Variants in NCAPD3 observed in about 807,000 individuals in gnomAD.
NCAPD3 encodes condensin-2 complex subunit D3.
A neutral mutation model predicts 182.9 loss-of-function variants in NCAPD3; 105 were observed. The ratio of observed to expected loss-of-function variants is 0.57; its 90% CI spans 0.49 to 0.68. The LOEUF (loss-of-function observed/expected upper bound fraction) is 0.68, where lower values mean the gene tolerates loss of function less well. NCAPD3 is among the 30% of genes least tolerant of loss of function. NCAPD3 has a pLI of 0.00. For missense variants in NCAPD3, 1,944 were observed against 1,837.0 expected (o/e 1.06, Z -1.07); for synonymous variants, 815 against 679.9 (o/e 1.20, Z -3.09).
At chr11:134,165,106 T>C (rs909428329) in intron 27 of NCAPD3, among the ~76,000 whole-genome samples, 8 of 149,004 alleles carry the variant, frequency 5.4e-5, no homozygotes, top group Admixed American at 1.3e-4. Flanking sequence ...TTGCGGGAGC[T>C]GCACACTCAC....
intron 16 of NCAPD3, among the ~76,000 whole-genome samples, chr11:134,192,256 T>G (rs1171462288): frequency 6.6e-6 from 1 of 152,232 alleles, no homozygotes; most frequent in East Asian, 1.9e-4. Flanking sequence ...GTACAGTGTA[T>G]GTTCAATAAG....
In NCAPD3 at chr11:134,172,103, T is replaced by G. The variant is rs1397264582; in HGVS notation, c.3102-3049A>C. 2.0e-5 allele frequency among the ~76,000 whole-genome samples: 3 copies of G among 152,092 alleles called. No homozygotes were observed. In the East Asian group the frequency reaches 5.8e-4, roughly 29 times the overall value. ...ACAGCTGGAAGTGGGTCCAGTGAAGTGCGGAGAGTGTGGGCTGGCTGCTGT... is the reference window on the plus strand; with the variant it reads ...ACAGCTGGAAGTGGGTCCAGTGAAGGGCGGAGAGTGTGGGCTGGCTGCTGT... On this transcript the variant is annotated intron_variant, in intron 24 of 34. Coordinates refer to ENST00000534548, the MANE Select transcript of NCAPD3 (RefSeq NM_015261.3).
rs542382078 is a variant in NCAPD3 at position 134,196,875 on chromosome 11, C to G, written c.1616-2137G>C. Among the ~76,000 whole-genome samples, 19 of 152,202 alleles carry G rather than the reference C, an allele frequency of 1.2e-4. No homozygotes were observed. The South Asian group carries it at 3.7e-3, about 30-fold the overall frequency. ...TCTTAGGTGAGTACTACCCTGATAG[C>G]AAAACCAAAACATCTCAAGAAAACA... On this transcript the variant is annotated intron_variant, in intron 13 of 34. Transcript: ENST00000534548.
chr11:134,168,649 T>TGCA (rs760317924), intron 25 of NCAPD3, 47 bp from the exon 26 acceptor site: 1 of 1,610,278 alleles, frequency 6.2e-7, no homozygotes, highest in South Asian at 1.1e-5. Flanking sequence ...GGCACGGGTG[T>TGCA]AAGGGATTTA....
chr11:134,186,361 C>T (rs74843747), intron 16 of NCAPD3, among the ~76,000 whole-genome samples: 11,191 of 151,978 alleles, frequency 0.074, 476 homozygotes, highest in African/African-American at 0.11. Flanking sequence ...CCATACCTGG[C>T]TAATTTCTCT....
intron 3 of NCAPD3, among the ~76,000 whole-genome samples, chr11:134,211,704 A>G (rs1410358133): frequency 1.3e-5 from 2 of 152,180 alleles, no homozygotes; most frequent in Non-Finnish European, 2.9e-5. Context: ...TGAAAAAAAA[A>G]AATTTTAAAG....
intron 29 of NCAPD3, among the ~76,000 whole-genome samples, chr11:134,159,491 C>T (rs535664139): frequency 1.3e-5 from 2 of 152,336 alleles, no homozygotes; most frequent in South Asian, 4.1e-4. Context: ...ACTTTGTGCT[C>T]ATTGGTCTTT....
intron 13 of NCAPD3, among the ~76,000 whole-genome samples, chr11:134,195,803 T>C (rs1193922226): frequency 6.6e-6 from 1 of 152,202 alleles, no homozygotes; most frequent in Non-Finnish European, 1.5e-5. Context: ...ATCTGGCTTA[T>C]ATTAAACAGG....
chr11:134,152,926 A>C lies in NCAPD3; in HGVS notation c.*18T>G. ...CTCAAGGGCTCCTGCCTGCCTGGAC[A>C]CTGGTGGGAGGCGCTGTTTAGTTGG... On this transcript the variant is annotated 3_prime_UTR_variant, in exon 35 of 35. Coordinates refer to ENST00000534548, the MANE Select transcript of NCAPD3 (RefSeq NM_015261.3). 6.6e-7 allele frequency: 1 copy of C among 1,514,484 alleles called. No individual in the cohort carries two copies. Among genetic ancestry groups the C allele is most frequent in the Non-Finnish European group, 8.9e-7 (1 of 1,128,674 alleles). The allele number at this position is 1,514,484 out of a possible 1,614,324, so 93.8% of individuals were successfully genotyped here. A position where few individuals can be genotyped will look rare whatever the true frequency, so the allele number is the denominator to read the frequency against.
chr11:134,179,422 T>C (rs912519529), intron 20 of NCAPD3, among the ~76,000 whole-genome samples: 2 of 152,266 alleles, frequency 1.3e-5, no homozygotes, highest in Non-Finnish European at 1.5e-5. Context: ...TTCATGTCAA[T>C]ATGTATGACA....
chr11:134,155,275 T>C (rs962773577), intron 32 of NCAPD3, among the ~76,000 whole-genome samples: 4 of 152,170 alleles, frequency 2.6e-5, no homozygotes, highest in African/African-American at 9.7e-5. Flanking sequence ...GCTGAGACAC[T>C]TCCTGACAGT....
rs1282077084 is a variant in NCAPD3, at chr11:134,168,459, C to A, written c.3373+10G>T. On this transcript the variant is annotated intron_variant, in intron 26 of 34. Coordinates refer to ENST00000534548, the MANE Select transcript of NCAPD3 (RefSeq NM_015261.3). ...ACACACACATTTTCTCCCACACACACTGGGCTTACCCAAAATACTAAGGCA... is the reference window on the plus strand; with the variant it reads ...ACACACACATTTTCTCCCACACACAATGGGCTTACCCAAAATACTAAGGCA... 1 of 1,614,076 alleles carries A rather than the reference C, an allele frequency of 6.2e-7. No individual in the cohort carries two copies. Among genetic ancestry groups the A allele is most frequent in the Non-Finnish European group, 8.5e-7 (1 of 1,179,908 alleles).
intron 16 of NCAPD3, among the ~76,000 whole-genome samples, chr11:134,190,042 GATTA>G (rs1359633718): frequency 2.0e-5 from 3 of 152,094 alleles, no homozygotes; most frequent in Non-Finnish European, 4.4e-5. Flanking sequence ...TGACCTATTG[GATTA>G]ATTCACCCTT....
chr11:134,154,477 ACC>A (rs376790927), intron 32 of NCAPD3, among the ~76,000 whole-genome samples: 1 of 75,596 alleles, frequency 1.3e-5, no homozygotes, highest in African/African-American at 6.0e-5. Flanking sequence ...GCTTCTCTGC[ACC>A]CCCCCCCCCA....
At position 134,207,890 on chromosome 11, in the gene NCAPD3, A is replaced by C. The variant is rs577028498; in HGVS notation, c.882+974T>G. Among the ~76,000 whole-genome samples the C allele has an allele frequency of 4.6e-5, 7 of 152,334 alleles. No individual in the cohort carries two copies. In the South Asian group the frequency reaches 1.4e-3, roughly 32 times the overall value. ...GTAAATGTTATCACATTCATATTTC[A>C]AGCACACAGAAGTGATAAAGATACT... On this transcript the variant is annotated intron_variant, in intron 7 of 34. Coordinates refer to ENST00000534548, the MANE Select transcript of NCAPD3 (RefSeq NM_015261.3).
At chr11:134,158,731 C>T (rs367802742) in intron 29 of NCAPD3, among the ~76,000 whole-genome samples, 3 of 152,266 alleles carry the variant, frequency 2.0e-5, no homozygotes, top group South Asian at 4.1e-4. Flanking sequence ...AATTGTTAAA[C>T]TGTAATATCT....
In NCAPD3 at chr11:134,204,111, T is replaced by C. The variant is rs748157184; in HGVS notation, c.1150A>G (p.Lys384Glu). 8.7e-6 allele frequency: 14 copies of C among 1,614,112 alleles called. No individual in the cohort carries two copies. Among genetic ancestry groups the C allele is most frequent in the South Asian group, 5.5e-5 (5 of 91,086 alleles). ...AAQSLVQLLS[K>E]LPCGEYAMFI... is the part of the protein sequence containing the mutation. ...ATAGCGTATTCCCCACAAGGAAGTT[T>C]ACTGAGCAGCTGGACTAGGGACTGG... is the stretch of plus-strand genomic sequence containing the variant. The change falls in exon 10 of 35, where the codon AAA becomes GAA. Residue 384 changes from lysine to glutamate, a missense_variant. By Grantham distance (56) the Lys-to-Glu change is moderately conservative. This residue lies in a region of NCAPD3 where 1,803 missense variants were observed against 1,674.6 expected (regional missense o/e 1.08). Coordinates refer to ENST00000534548, the MANE Select transcript of NCAPD3 (RefSeq NM_015261.3). This position sits in a 1 kb window ranked among gnomAD's most constrained non-coding sequence, Gnocchi z 4.3.
intron 27 of NCAPD3, among the ~76,000 whole-genome samples, chr11:134,167,101 TGGG>T (rs1483729056): frequency 1.2e-5 from 1 of 84,214 alleles, no homozygotes; most frequent in South Asian, 4.1e-4. Context: ...GAGATGAGCT[TGGG>T]GGAGCTGCAC....
upstream of NCAPD3, chr11:134,224,262 G>A (rs1938365620): frequency 7.1e-6 from 3 of 425,154 alleles, no homozygotes; most frequent in Admixed American, 1.2e-4. Context: ...ATCTGAGATA[G>A]GGTACTTCCG....
Sources: gnomAD v4.1 joint callset for allele counts (sites outside exome capture counted in the v4.1 genomes callset) on GRCh38, gnomAD v4.1.1 for gene constraint, gnomAD v4.1.1 regional missense constraint, Gnocchi (gnomAD v3.1) non-coding constraint, MANE v1.5 for transcripts, NCBI Gene and HGNC (gene_info 2026-07-23, HGNC 2026-07-21) for gene names.